Variants in ATP2B1 observed in about 807,000 individuals in gnomAD.
ATP2B1 encodes the protein plasma membrane calcium-transporting ATPase 1.
In ATP2B1, 14 loss-of-function variants were observed where a neutral mutation model predicts 124.2. That is an observed-to-expected ratio of 0.11 (90% CI 0.07 to 0.18). The LOEUF is 0.18. Among genes scored for constraint, ATP2B1 ranks in the 10% least tolerant of loss-of-function variants. ATP2B1 has a pLI of 1.00. For synonymous variants in ATP2B1, 449 were observed against 492.4 expected (o/e 0.91, Z 1.17); for missense variants, 763 against 1,466.1 (o/e 0.52, Z 7.83).
intron 12 of ATP2B1, among the ~76,000 whole-genome samples, chr12:89,615,910 G>C (rs1878871712): frequency 6.7e-6 from 1 of 150,244 alleles, no homozygotes; most frequent in Non-Finnish European, 1.5e-5. Flanking sequence ...TGCCAAATAA[G>C]AGTAATAATA....
intron 12 of ATP2B1, among the ~76,000 whole-genome samples, chr12:89,614,472 A>T (rs528885522): frequency 1.3e-5 from 2 of 152,320 alleles, no homozygotes; most frequent in South Asian, 2.1e-4. Flanking sequence ...AATTTATCTT[A>T]ATCTCTCAAC....
chr12:89,704,288 C>T (rs948139132), intron 1 of ATP2B1, among the ~76,000 whole-genome samples: 5 of 152,064 alleles, frequency 3.3e-5, no homozygotes, highest in African/African-American at 9.7e-5. Context: ...AAAAAATCCA[C>T]AATATTAAAA....
Position 89,588,673 on chromosome 12 carries a change from C to A in ATP2B1, c.*2311G>T, listed in dbSNP as rs946123083. On this transcript the variant is annotated 3_prime_UTR_variant, in exon 21 of 21. Coordinates refer to ENST00000428670, the MANE Select transcript of ATP2B1 (RefSeq NM_001366521.1). ...TACTACTTCATAGATGTCATAAGAC[C>A]CGTTTATGGATTAGAGTTGGTGTAG... The A allele has an allele frequency of 2.6e-5, 4 of 152,418 alleles. No individual in the cohort carries two copies. The highest frequency in any genetic ancestry group is 9.7e-5 in the African/African-American group (4 of 41,386). 9.4% of individuals were successfully genotyped at this position (152,418 alleles called of 1,614,324 possible).
chr12:89,616,900 C>G lies in ATP2B1; in HGVS notation c.1969G>C (p.Ala657Pro). 1 of 1,614,090 alleles carries G rather than the reference C, an allele frequency of 6.2e-7. No homozygotes were observed. The highest frequency in any genetic ancestry group is 8.5e-7 in the Non-Finnish European group (1 of 1,179,974). ...TICLAFRDFP[A>P]GEPEPEWDNE... Reference sequence around the variant, plus strand: ...TCCCACTCTGGTTCTGGTTCTCCTGCTGGAAAATCTCTGAATGCAAGACAT... The same window carrying G: ...TCCCACTCTGGTTCTGGTTCTCCTGGTGGAAAATCTCTGAATGCAAGACAT... The change falls in exon 12 of 21, where the codon GCA becomes CCA. Residue 657 changes from alanine (A) to proline (P), a missense_variant. This residue lies in a region of ATP2B1 where 392 missense variants were observed against 776.6 expected (regional missense o/e 0.50). Coordinates refer to ENST00000428670, the MANE Select transcript of ATP2B1 (RefSeq NM_001366521.1).
At chr12:89,667,175 T>A (rs1887407208) in intron 1 of ATP2B1, among the ~76,000 whole-genome samples, 2 of 152,270 alleles carry the variant, frequency 1.3e-5, no homozygotes, top group South Asian at 2.1e-4. Context: ...ACTACTAAGA[T>A]GGCTCTCTAT....
intron 1 of ATP2B1, among the ~76,000 whole-genome samples, chr12:89,656,988 A>T (rs1886035472): frequency 6.6e-6 from 1 of 152,204 alleles, no homozygotes; most frequent in African/African-American, 2.4e-5. Flanking sequence ...TACATGCATT[A>T]CATTTATTTC....
chr12:89,614,895 T>C (rs184785642), intron 12 of ATP2B1, among the ~76,000 whole-genome samples: 1 of 152,266 alleles, frequency 6.6e-6, no homozygotes, highest in African/African-American at 2.4e-5. Context: ...TTGCCTGGGA[T>C]CACTGCAATA....
intron 1 of ATP2B1, among the ~76,000 whole-genome samples, chr12:89,701,423 C>T (rs1167521687): frequency 1.3e-5 from 2 of 152,148 alleles, no homozygotes; most frequent in Non-Finnish European, 2.9e-5. Flanking sequence ...ATATATAGAA[C>T]TTTATCCAGC....
chr12:89,621,607 A>G lies in ATP2B1; in HGVS notation c.1529T>C (p.Ile510Thr), dbSNP rs1370765169. Residue 510 changes from isoleucine to threonine, a missense_variant, in exon 10 of 21, where the codon ATT becomes ACT. By Grantham distance (89) the Ile-to-Thr change is moderately conservative. This residue lies in a region of ATP2B1 where 392 missense variants were observed against 776.6 expected (regional missense o/e 0.50). Coordinates refer to ENST00000428670, the MANE Select transcript of ATP2B1 (RefSeq NM_001366521.1). ...AATTCCTGTTACAAGATAGGACAAA[A>G]TATTTGGTGGAATAGCTTCTGGTTC... ...VPEPEAIPPN[I>T]LSYLVTGISV... 32 of 1,609,822 alleles carry G rather than the reference A, an allele frequency of 2.0e-5. No homozygotes were observed. The highest frequency in any genetic ancestry group is 3.3e-5 in the Admixed American group (2 of 59,834).
At position 89,592,953 on chromosome 12, in the gene ATP2B1, C is replaced by T. The variant is rs534890123; in HGVS notation, c.3352-1658G>A. ...GGTCCATGATCCACACTTGGAGCAG[C>T]AAGCATCTATTCTATTAATGTCTTG... On this transcript the variant is annotated intron_variant, in intron 20 of 20. Transcript: ENST00000428670. Among the ~76,000 whole-genome samples the T allele has an allele frequency of 2.6e-5, 4 of 152,054 alleles. No homozygotes were observed. The South Asian group carries it at 8.3e-4, about 32-fold the overall frequency.
At chr12:89,694,947 C>G (rs1036642968) in intron 1 of ATP2B1, among the ~76,000 whole-genome samples, 4 of 150,970 alleles carry the variant, frequency 2.6e-5, no homozygotes, top group African/African-American at 9.8e-5. Context: ...GTCCCAGCTA[C>G]CCGGGAGGCT....
rs191336764 is a variant in ATP2B1, at chr12:89,609,819, G to A, written c.2442+118C>T. On this transcript the variant is annotated intron_variant, in intron 15 of 20. Coordinates refer to ENST00000428670, the MANE Select transcript of ATP2B1 (RefSeq NM_001366521.1). ...AATTTAAGCTTATTAATTATCCCTCGAACTAATCTTGAGGGACAGTGTTTA... is the reference window on the plus strand; with the variant it reads ...AATTTAAGCTTATTAATTATCCCTCAAACTAATCTTGAGGGACAGTGTTTA... 8.0e-4 allele frequency: 672 copies of A among 834,916 alleles called. 8 individuals carry two copies. The East Asian group carries it at 0.011, about 13-fold the overall frequency. The allele number at this position is 834,916 out of a possible 1,614,324, so 51.7% of individuals were successfully genotyped here.
intron 1 of ATP2B1, among the ~76,000 whole-genome samples, chr12:89,675,738 A>G (rs1242718894): frequency 6.6e-6 from 1 of 152,186 alleles, no homozygotes; most frequent in African/African-American, 2.4e-5. Flanking sequence ...CATGACTGAT[A>G]AAACAGGTAA....
chr12:89,633,365 A>C (rs1882188257), intron 5 of ATP2B1, among the ~76,000 whole-genome samples: 1 of 151,870 alleles, frequency 6.6e-6, no homozygotes, highest in Non-Finnish European at 1.5e-5. Context: ...GGTTTGTTAC[A>C]TATGTATACA....
intron 1 of ATP2B1, among the ~76,000 whole-genome samples, chr12:89,672,953 CTT>C (rs1228916999): frequency 6.6e-6 from 1 of 152,230 alleles, no homozygotes; most frequent in African/African-American, 2.4e-5. Flanking sequence ...AGTTTAGCCT[CTT>C]GTTTCCACTT....
At chr12:89,613,822 C>T (rs1267901122) in intron 12 of ATP2B1, among the ~76,000 whole-genome samples, 1 of 152,192 alleles carries the variant, frequency 6.6e-6, no homozygotes, top group Admixed American at 6.5e-5. Flanking sequence ...ACTATCTCTA[C>T]TTTTACATAT....
At chr12:89,613,032 T>C (rs1878313441) in intron 12 of ATP2B1, among the ~76,000 whole-genome samples, 1 of 152,076 alleles carries the variant, frequency 6.6e-6, no homozygotes, top group African/African-American at 2.4e-5. Context: ...CAGGATAAAG[T>C]GCAGGGGTAT....
At chr12:89,606,049 A>G (rs1447498292) in intron 15 of ATP2B1, among the ~76,000 whole-genome samples, 2 of 152,080 alleles carry the variant, frequency 1.3e-5, no homozygotes, top group Non-Finnish European at 2.9e-5. Flanking sequence ...TAAGGAAGGA[A>G]AAGTAATTAC....
Position 89,588,904 on chromosome 12 carries a change from AG to A in ATP2B1, c.*2079del, listed in dbSNP as rs1440201233. The A allele has an allele frequency of 6.6e-6, 1 of 152,560 alleles. No homozygotes were observed. Among genetic ancestry groups the A allele is most frequent in the African/African-American group, 2.4e-5 (1 of 41,424 alleles). The allele number at this position is 152,560 out of a possible 1,614,324, so 9.5% of individuals were successfully genotyped here. A position where few individuals can be genotyped will look rare whatever the true frequency, so the allele number is the denominator to read the frequency against. On this transcript the variant is annotated 3_prime_UTR_variant, in exon 21 of 21. Transcript: ENST00000428670. ...GATAGGGTCAATTTTTAGAGTTGAA[AG>A]GGTTCTTCAAGATAGTCCACCACCC...
Sources: gnomAD v4.1 joint callset for allele counts (sites outside exome capture counted in the v4.1 genomes callset) on GRCh38, gnomAD v4.1.1 for gene constraint, gnomAD v4.1.1 regional missense constraint, MANE v1.5 for transcripts, NCBI Gene and HGNC (gene_info 2026-07-23, HGNC 2026-07-21) for gene names.